The following EXOC6B variants were observed in gnomAD, a reference collection of about 807,000 sequenced individuals.
EXOC6B encodes the protein SEC15 homolog B.
EXOC6B carries 54 observed loss-of-function variants against 113.5 expected under a neutral mutation model. The observed-to-expected ratio is 0.48, with a 90% confidence interval of 0.38 to 0.60. EXOC6B has a LOEUF of 0.60. Ranked by LOEUF, EXOC6B falls within the 20% of genes least tolerant of loss-of-function variation. The pLI, the probability that EXOC6B is intolerant of heterozygous loss-of-function variation, is 0.00. For missense variants in EXOC6B, 797 were observed against 977.5 expected (o/e 0.82, Z 2.46); for synonymous variants, 357 against 339.0 (o/e 1.05, Z -0.58).
intron 20 of EXOC6B, among the ~76,000 whole-genome samples, chr2:72,188,055 G>T (rs752060375): frequency 5.3e-5 from 8 of 152,128 alleles, no homozygotes; most frequent in Non-Finnish European, 1.2e-4. Context: ...CTGTGCTGGG[G>T]GTGGAGGACC....
In EXOC6B at chr2:72,495,486, G is replaced by C. The variant is rs1444425025; in HGVS notation, c.1497C>G (p.Asn499Lys). The change falls in exon 15 of 22, where the codon AAC becomes AAG. Residue 499 changes from asparagine (N) to lysine (K), a missense_variant. Physicochemically the swap from Asn to Lys is moderately conservative, Grantham distance 94. Coordinates refer to ENST00000272427, the MANE Select transcript of EXOC6B (RefSeq NM_015189.3). Reference sequence around the variant, plus strand: ...AAGCGTAGATAAATTCTTTAATTTGGTTGTAAACTTTTGGCACAAATTCAG... The same window carrying C: ...AAGCGTAGATAAATTCTTTAATTTGCTTGTAAACTTTTGGCACAAATTCAG... ...PFSEFVPKVY[N>K]QIKEFIYACL... 1 of 1,609,384 alleles carries C rather than the reference G, an allele frequency of 6.2e-7. No homozygotes were observed. The highest frequency in any genetic ancestry group is 2.2e-5 in the East Asian group (1 of 44,660).
intron 18 of EXOC6B, among the ~76,000 whole-genome samples, chr2:72,421,694 G>A (rs1333312331): frequency 1.3e-5 from 2 of 152,192 alleles, no homozygotes; most frequent in Non-Finnish European, 2.9e-5. Flanking sequence ...ACTCGCTCTC[G>A]GCGCCTCCTC....
chr2:72,197,728 G>A (rs1679259231), intron 20 of EXOC6B, among the ~76,000 whole-genome samples: 1 of 152,082 alleles, frequency 6.6e-6, no homozygotes, highest in African/African-American at 2.4e-5. Flanking sequence ...AGGAGACAAG[G>A]AAGACTAAAA....
intron 5 of EXOC6B, among the ~76,000 whole-genome samples, chr2:72,726,013 A>C (rs1680278942): frequency 2.0e-5 from 3 of 152,248 alleles, no homozygotes; most frequent in Admixed American, 6.5e-5. Flanking sequence ...TAACTAAAGC[A>C]GTATATATAC....
intron 6 of EXOC6B, among the ~76,000 whole-genome samples, chr2:72,635,477 C>T (rs1183463003): frequency 6.6e-6 from 1 of 152,072 alleles, no homozygotes; most frequent in African/African-American, 2.4e-5. Flanking sequence ...AGACCAATTC[C>T]TCAAAAACTA....
intron 15 of EXOC6B, among the ~76,000 whole-genome samples, chr2:72,493,576 T>C (rs1699877185): frequency 6.6e-6 from 1 of 152,130 alleles, no homozygotes; most frequent in Non-Finnish European, 1.5e-5. Context: ...AAACATTTAA[T>C]TTTATTAATA....
chr2:72,269,624 A>G (rs1338768122), intron 20 of EXOC6B, among the ~76,000 whole-genome samples: 1 of 152,148 alleles, frequency 6.6e-6, no homozygotes, highest in Non-Finnish European at 1.5e-5. Context: ...CAGCCTGGGG[A>G]ACAGAGGGAG....
intron 16 of EXOC6B, among the ~76,000 whole-genome samples, chr2:72,489,686 A>C (rs1699633910): frequency 6.6e-6 from 1 of 152,230 alleles, no homozygotes; most frequent in African/African-American, 2.4e-5. Flanking sequence ...TAGAACATAC[A>C]GTCTTAACCA....
At chr2:72,658,587 G>C (rs1268783599) in intron 6 of EXOC6B, among the ~76,000 whole-genome samples, 1 of 151,648 alleles carries the variant, frequency 6.6e-6, no homozygotes, top group African/African-American at 2.4e-5. Context: ...AGTCAACATA[G>C]AGCTTCCACT....
At chr2:72,485,714 G>C (rs1479300884) in intron 16 of EXOC6B, among the ~76,000 whole-genome samples, 1 of 152,190 alleles carries the variant, frequency 6.6e-6, no homozygotes, top group Admixed American at 6.5e-5. Context: ...CTGTTAACAA[G>C]AGAGAGGGGA....
At chr2:72,679,311 A>C (rs1676528865) in intron 6 of EXOC6B, among the ~76,000 whole-genome samples, 1 of 151,880 alleles carries the variant, frequency 6.6e-6, no homozygotes. Context: ...CAAGTGATCC[A>C]CTCGCCTCAG....
intron 8 of EXOC6B, chr2:72,515,851 G>T: frequency 4.1e-6 from 2 of 492,136 alleles, no homozygotes; most frequent in South Asian, 8.6e-5. Context: ...ATTAAGATGT[G>T]ATCCTATCAG....
intron 8 of EXOC6B, among the ~76,000 whole-genome samples, chr2:72,533,031 T>C (rs1208383533): frequency 2.0e-5 from 3 of 152,148 alleles, no homozygotes; most frequent in Admixed American, 2.0e-4. Flanking sequence ...TATTTTGAAA[T>C]AGTCAAATAT....
chr2:72,178,703 A>G lies in EXOC6B; in HGVS notation c.*632T>C, dbSNP rs1677893500. 6.6e-6 allele frequency: 1 copy of G among 152,234 alleles called. No individual in the cohort carries two copies. The highest frequency in any genetic ancestry group is 1.5e-5 in the Non-Finnish European group (1 of 68,056). 9.4% of individuals were successfully genotyped at this position (152,234 alleles called of 1,614,324 possible). On this transcript the variant is annotated 3_prime_UTR_variant, in exon 22 of 22. Transcript: ENST00000272427. Reference sequence around the variant, plus strand: ...TGTATCCTGCCCTAGAAAAAATTGCAATAAAAGCCTGGGGTTAGATCAGGC... The same window carrying G: ...TGTATCCTGCCCTAGAAAAAATTGCGATAAAAGCCTGGGGTTAGATCAGGC...
At chr2:72,277,398 C>T (rs765792591) in intron 20 of EXOC6B, among the ~76,000 whole-genome samples, 3 of 152,130 alleles carry the variant, frequency 2.0e-5, no homozygotes, top group Non-Finnish European at 2.9e-5. Flanking sequence ...TAGAATCATA[C>T]CCAAGGGAGC....
chr2:72,534,455 G>A (rs1238224884), intron 8 of EXOC6B, among the ~76,000 whole-genome samples: 1 of 152,040 alleles, frequency 6.6e-6, no homozygotes, highest in African/African-American at 2.4e-5. Flanking sequence ...AAGGCATACA[G>A]TTAAAACTTA....
At chr2:72,589,530 GA>G (rs67643057) in intron 6 of EXOC6B, among the ~76,000 whole-genome samples, 1 of 149,198 alleles carries the variant, frequency 6.7e-6, no homozygotes, top group African/African-American at 2.5e-5. Context: ...CACATTCCAG[GA>G]AAAAAAAAAG....
At position 72,496,539 on chromosome 2, in the gene EXOC6B, T is replaced by C. The variant is rs1195811291; in HGVS notation, c.1358A>G (p.Asn453Ser). 6.3e-7 allele frequency: 1 copy of C among 1,591,040 alleles called. No individual in the cohort carries two copies. The change falls in exon 14 of 22, where the codon AAC (asparagine) becomes AGC (serine). Residue 453 changes from asparagine (N) to serine (S), a missense_variant. Physicochemically the swap from Asn to Ser is conservative, Grantham distance 46. Transcript: ENST00000272427. ...GIFRNILDSD[N>S]YSPIPVTSEE... ...ACTTGTTACTGGTATAGGACTGTAG[T>C]TGTCAGAATCAAGTATGTTTCTATA... is the stretch of plus-strand genomic sequence containing the variant.
chr2:72,690,309 A>G (rs1038179113), intron 6 of EXOC6B, among the ~76,000 whole-genome samples: 1 of 152,198 alleles, frequency 6.6e-6, no homozygotes, highest in African/African-American at 2.4e-5. Flanking sequence ...GTCCCTATAC[A>G]TATTCCAATG....
Sources: gnomAD v4.1 joint callset for allele counts (sites outside exome capture counted in the v4.1 genomes callset) on GRCh38, gnomAD v4.1.1 for gene constraint, MANE v1.5 for transcripts, NCBI Gene and HGNC (gene_info 2026-07-23, HGNC 2026-07-21) for gene names.